Variants in PTGR3 observed in about 807,000 individuals in gnomAD.
PTGR3 encodes the protein prostaglandin reductase 3.
At chr18:75,202,665 C>CAAAAAAAAAAAAAAAAAAAAAAAAGAA in the PTGR3 span, among the ~76,000 whole-genome samples, 1 of 79,092 alleles carries the variant, frequency 1.3e-5, no homozygotes, top group Non-Finnish European at 3.1e-5. Flanking sequence ...TAGAAATAAG[C>CAAAAAAAAAAAAAAAAAAAAAAAAGAA]AAAAAAAAAA....
chr18:75,201,982 T>C, the PTGR3 span: 8 of 1,614,134 alleles, frequency 5.0e-6, no homozygotes, highest in Admixed American at 1.7e-5. Flanking sequence ...GAAAGCTGCA[T>C]GGCAAACTGG....
the PTGR3 span, chr18:75,208,597 C>A: frequency 1.1e-6 from 1 of 946,046 alleles, no homozygotes; most frequent in Non-Finnish European, 1.3e-6. Context: ...AGGGGAATCC[C>A]AAATTAAAAT....
chr18:75,201,825 T>A, the PTGR3 span: 1 of 1,614,018 alleles, frequency 6.2e-7, no homozygotes, highest in East Asian at 2.2e-5. Context: ...ATAGACCACA[T>A]CGACACCTTC....
the PTGR3 span, chr18:75,208,727 T>G: frequency 4.0e-6 from 4 of 1,009,296 alleles, no homozygotes; most frequent in South Asian, 8.1e-5. Flanking sequence ...AAACTCAGGC[T>G]GTGCGCCCGA....
At chr18:75,207,173 T>C in the PTGR3 span, among the ~76,000 whole-genome samples, 1 of 152,236 alleles carries the variant, frequency 6.6e-6, no homozygotes, top group African/African-American at 2.4e-5. Flanking sequence ...CTGTGGCTTA[T>C]AGTTCTCTAA....
chr18:75,208,560 G>A, the PTGR3 span: 3 of 1,092,602 alleles, frequency 2.7e-6, no homozygotes, highest in Non-Finnish European at 3.4e-6. Flanking sequence ...GGAGCGGGAG[G>A]GGGAGGAGGG....
chr18:75,198,594 G>T, the PTGR3 span: 1 of 151,886 alleles, frequency 6.6e-6, no homozygotes, highest in African/African-American at 2.4e-5. Flanking sequence ...TGACACTGCT[G>T]GTATTTTCTG....
At chr18:75,198,424 C>G in the PTGR3 span, 1 of 152,134 alleles carries the variant, frequency 6.6e-6, no homozygotes, top group Non-Finnish European at 1.5e-5. Flanking sequence ...CTCTATCCTA[C>G]TCCTGAGGAA....
chr18:75,201,256 G>C, the PTGR3 span: 8 of 493,194 alleles, frequency 1.6e-5, no homozygotes, highest in Non-Finnish European at 2.4e-5. Context: ...CAAGGGAAGA[G>C]GAGGAGGAGG....
chr18:75,202,205 G>GT, the PTGR3 span: 1 of 1,614,132 alleles, frequency 6.2e-7, no homozygotes, highest in Non-Finnish European at 8.5e-7. Flanking sequence ...GGCCAACTGT[G>GT]TATCTGGCAC....
chr18:75,205,930 A>C, the PTGR3 span, among the ~76,000 whole-genome samples: 1 of 152,156 alleles, frequency 6.6e-6, no homozygotes. Context: ...CCATTCCTAC[A>C]AACTCTTTGC....
the PTGR3 span, chr18:75,205,056 C>G: frequency 1.3e-6 from 1 of 747,782 alleles, no homozygotes; most frequent in Non-Finnish European, 1.6e-6. Flanking sequence ...GGTGGCTCCT[C>G]GCGCCGCGCT....
the PTGR3 span, chr18:75,205,084 G>T: frequency 4.4e-6 from 4 of 909,358 alleles, no homozygotes; most frequent in Non-Finnish European, 5.3e-6. Context: ...TGGTCTCCCT[G>T]CCTCCGGTTC....
chr18:75,207,149 G>T, the PTGR3 span, among the ~76,000 whole-genome samples: 1 of 152,236 alleles, frequency 6.6e-6, no homozygotes. Context: ...CCAAAGGCAG[G>T]TGGTCCCACC....
the PTGR3 span, chr18:75,202,372 G>A: frequency 3.6e-5 from 57 of 1,581,680 alleles, no homozygotes; most frequent in Non-Finnish European, 4.7e-5. Flanking sequence ...AATATGTTAC[G>A]ATGGGTTTTT....
At chr18:75,205,472 C>G in the PTGR3 span, 1 of 985,372 alleles carries the variant, frequency 1.0e-6, no homozygotes, top group African/African-American at 1.7e-5. Context: ...TCCAGAAACC[C>G]CAGGAAAAAA....
chr18:75,208,755 G>A, the PTGR3 span: 81 of 1,167,972 alleles, frequency 6.9e-5, no homozygotes, highest in East Asian at 1.4e-3. Context: ...CCGGAGTGTG[G>A]GCACGCGGGC....
the PTGR3 span, chr18:75,208,524 T>C: frequency 9.3e-3 from 9,810 of 1,058,388 alleles, 63 homozygotes; most frequent in Non-Finnish European, 0.01. Flanking sequence ...GAGCCTCCCC[T>C]TCTGGGTCCC....
the PTGR3 span, chr18:75,202,417 T>C: frequency 7.0e-7 from 1 of 1,438,362 alleles, no homozygotes. Flanking sequence ...GAGAAATTCC[T>C]CTAGTTCTGG....
Sources: gnomAD v4.1 joint callset for allele counts (sites outside exome capture counted in the v4.1 genomes callset) on GRCh38, gnomAD v4.1.1 for gene constraint, MANE v1.5 for transcripts, NCBI Gene and HGNC (gene_info 2026-07-23, HGNC 2026-07-21) for gene names.